Variants in TMEM132D observed in about 807,000 individuals in gnomAD.
The protein encoded by TMEM132D is mature OL transmembrane protein.
A neutral mutation model predicts 62.3 loss-of-function variants in TMEM132D; 21 were observed. The observed-to-expected ratio is 0.34, with a 90% confidence interval of 0.24 to 0.49. The LOEUF (loss-of-function observed/expected upper bound fraction) is 0.49, where lower values mean the gene tolerates loss of function less well. TMEM132D is among the 20% of genes least tolerant of loss of function. The pLI is 0.99. For missense variants in TMEM132D, 1,346 were observed against 1,402.8 expected, an observed-to-expected ratio of 0.96 and a Z score of 0.65; for synonymous variants, 621 against 575.6, an observed-to-expected ratio of 1.08 and a Z score of -1.13.
At chr12:129,465,480 T>A (rs1016777340) in intron 3 of TMEM132D, among the ~76,000 whole-genome samples, 1 of 152,120 alleles carries the variant, frequency 6.6e-6, no homozygotes, top group Non-Finnish European at 1.5e-5. Context: ...TAAAGGGTAT[T>A]CAATTAGGAA....
At chr12:129,193,137 GAC>G (rs1878451320) in intron 5 of TMEM132D, among the ~76,000 whole-genome samples, 1 of 144,190 alleles carries the variant, frequency 6.9e-6, no homozygotes. Context: ...CAGCCTGGGT[GAC>G]AGAGTGAGAT....
At chr12:129,247,786 G>A (rs1319105168) in intron 4 of TMEM132D, among the ~76,000 whole-genome samples, 6 of 152,038 alleles carry the variant, frequency 3.9e-5, no homozygotes, top group Non-Finnish European at 7.4e-5. Context: ...AATAGAAAAC[G>A]ATATGCCCCA....
At chr12:129,622,575 C>A (rs1344708102) in intron 2 of TMEM132D, among the ~76,000 whole-genome samples, 1 of 152,144 alleles carries the variant, frequency 6.6e-6, no homozygotes, top group African/African-American at 2.4e-5. Context: ...GGAATATGTC[C>A]GTAACTATAT....
At chr12:129,578,140 C>A (rs895996724) in intron 2 of TMEM132D, among the ~76,000 whole-genome samples, 1 of 152,038 alleles carries the variant, frequency 6.6e-6, no homozygotes. Context: ...GAACTTGGAC[C>A]GGTGCATCCT....
intron 3 of TMEM132D, among the ~76,000 whole-genome samples, chr12:129,433,054 A>T (rs193270899): frequency 4.4e-4 from 67 of 152,256 alleles, no homozygotes; most frequent in Non-Finnish European, 1.5e-4. Flanking sequence ...GCTCCTTTGT[A>T]CTCAACATGA....
rs533508829 is a variant in TMEM132D at position 129,725,312 on chromosome 12, G to T, written c.80-24614C>A. 3.9e-4 allele frequency among the ~76,000 whole-genome samples: 60 copies of T among 152,338 alleles called. 2 individuals carry two copies. The South Asian group carries it at 0.012, about 30-fold the overall frequency. The stretch of plus-strand genomic sequence containing the variant: ...CACTATGTATTTCTATATGCCTACA[G>T]ATAGTGTGCTAATAAGCCTGCTATC... On this transcript the variant is annotated intron_variant, in intron 1 of 8. Transcript: ENST00000422113.
intron 2 of TMEM132D, among the ~76,000 whole-genome samples, chr12:129,611,284 G>A (rs1482737105): frequency 2.0e-5 from 3 of 152,164 alleles, no homozygotes; most frequent in Non-Finnish European, 2.9e-5. Flanking sequence ...TTTCTTTAGC[G>A]AGATCAGCTA....
chr12:129,638,616 CAT>C (rs569430518), intron 2 of TMEM132D, among the ~76,000 whole-genome samples: 56 of 89,028 alleles, frequency 6.3e-4, no homozygotes, highest in African/African-American at 1.1e-3. Context: ...ATAAATTCAG[CAT>C]ATATATATAT....
At chr12:129,392,896 C>G (rs11060309) in intron 3 of TMEM132D, among the ~76,000 whole-genome samples, 1 of 152,188 alleles carries the variant, frequency 6.6e-6, no homozygotes, top group African/African-American at 2.4e-5. Flanking sequence ...CAAGACCCAT[C>G]GAGGATGCAT....
At chr12:129,463,564 G>A (rs1017451048) in intron 3 of TMEM132D, among the ~76,000 whole-genome samples, 2 of 151,832 alleles carry the variant, frequency 1.3e-5, no homozygotes, top group Non-Finnish European at 2.9e-5. Flanking sequence ...ATGTTGGTGT[G>A]CTGCACCCAT....
chr12:129,582,873 C>A (rs890465089), intron 2 of TMEM132D, among the ~76,000 whole-genome samples: 1 of 152,108 alleles, frequency 6.6e-6, no homozygotes, highest in African/African-American at 2.4e-5. Context: ...GATCCACCCA[C>A]CTCGGCCTCC....
chr12:129,419,910 T>G (rs1377456051), intron 3 of TMEM132D, among the ~76,000 whole-genome samples: 1 of 152,140 alleles, frequency 6.6e-6, no homozygotes. Flanking sequence ...GTGGGTCACT[T>G]GAGGCTAATT....
At chr12:129,816,798 C>A (rs936304095) in intron 1 of TMEM132D, among the ~76,000 whole-genome samples, 1 of 152,184 alleles carries the variant, frequency 6.6e-6, no homozygotes, top group African/African-American at 2.4e-5. Context: ...ACTTTGATTA[C>A]AGCATTTGCT....
At chr12:129,492,403 A>C (rs1026380635) in intron 3 of TMEM132D, among the ~76,000 whole-genome samples, 5 of 152,242 alleles carry the variant, frequency 3.3e-5, no homozygotes, top group Admixed American at 6.5e-5. Context: ...AAGTGATGGA[A>C]CATAAGTACA....
chr12:129,633,466 C>T (rs2137168773), intron 2 of TMEM132D, among the ~76,000 whole-genome samples: 1 of 152,244 alleles, frequency 6.6e-6, no homozygotes, highest in East Asian at 1.9e-4. Flanking sequence ...AACCAAATTC[C>T]CCAGGAAATT....
At chr12:129,719,960 T>C (rs917231776) in intron 1 of TMEM132D, among the ~76,000 whole-genome samples, 1 of 151,996 alleles carries the variant, frequency 6.6e-6, no homozygotes. Context: ...CTGGGTGCCT[T>C]ATTCCGCTTT....
chr12:129,564,991 G>A (rs929181532), intron 2 of TMEM132D, among the ~76,000 whole-genome samples: 7 of 152,176 alleles, frequency 4.6e-5, no homozygotes, highest in Non-Finnish European at 7.4e-5. Flanking sequence ...GCCCCCAAAT[G>A]TCCCTTAAGA....
intron 2 of TMEM132D, among the ~76,000 whole-genome samples, chr12:129,588,118 T>A (rs1352444492): frequency 1.3e-5 from 2 of 152,216 alleles, no homozygotes; most frequent in Non-Finnish European, 2.9e-5. Flanking sequence ...ACTATTTCCC[T>A]TCTGTAAAAA....
intron 1 of TMEM132D, among the ~76,000 whole-genome samples, chr12:129,711,771 GGATT>G (rs1006922775): frequency 5.4e-5 from 8 of 147,044 alleles, no homozygotes; most frequent in East Asian, 2.0e-4. Flanking sequence ...AAAGGATGTG[GGATT>G]ATTATATATT....
Sources: allele counts gnomAD v4.1 joint callset (sites outside exome capture counted in the v4.1 genomes callset), GRCh38; gene constraint gnomAD v4.1.1; transcripts MANE v1.5; gene names NCBI Gene and HGNC (gene_info 2026-07-23, HGNC 2026-07-21).